The following FILIP1L variants were observed in gnomAD, a reference collection of about 807,000 sequenced individuals.
The protein encoded by FILIP1L is filamin A-interacting protein 1-like.
A neutral mutation model predicts 96.6 loss-of-function variants in FILIP1L; 55 were observed. The ratio of observed to expected loss-of-function variants is 0.57; its 90% CI spans 0.46 to 0.71. FILIP1L has a LOEUF of 0.71. Ranked by LOEUF, FILIP1L falls within the 30% of genes least tolerant of loss-of-function variation. The pLI, the probability that FILIP1L is intolerant of heterozygous loss-of-function variation, is 0.00. For synonymous variants in FILIP1L, 467 were observed against 473.9 expected (o/e 0.99, Z 0.19); for missense variants, 1,304 against 1,321.2 (o/e 0.99, Z 0.20).
chr3:99,954,125 C>T (rs1316127477), intron 1 of FILIP1L, among the ~76,000 whole-genome samples: 1 of 152,256 alleles, frequency 6.6e-6, no homozygotes, highest in African/African-American at 2.4e-5. Context: ...TCTCACTTAA[C>T]ACTTCAGTAA....
intron 1 of FILIP1L, among the ~76,000 whole-genome samples, chr3:99,933,000 C>T (rs1357733214): frequency 1.3e-5 from 2 of 152,194 alleles, no homozygotes; most frequent in Admixed American, 6.5e-5. Context: ...TGTATTAGCT[C>T]ATTCAAGTCT....
In FILIP1L at chr3:99,838,131, A is replaced by G. The variant is rs138393933; in HGVS notation, c.3382-7526T>C. The stretch of plus-strand genomic sequence containing the variant: ...TTGTGCCCTTTGCTTATAGAATCTT[A>G]CCTTAGGATAAAGTGGACACTGACT... On this transcript the variant is annotated intron_variant, in intron 5 of 5. Coordinates refer to ENST00000477258, the MANE Select transcript of FILIP1L (RefSeq NM_001387850.1). Among the ~76,000 whole-genome samples the G allele has an allele frequency of 6.7e-3, 1,027 of 152,242 alleles. 3 individuals are homozygous for G. The highest frequency in any genetic ancestry group is 8.6e-3 in the African/African-American group (357 of 41,536).
chr3:100,061,341 A>T (rs1461080317), intron 1 of FILIP1L, among the ~76,000 whole-genome samples: 2 of 152,208 alleles, frequency 1.3e-5, no homozygotes, highest in Non-Finnish European at 2.9e-5. Flanking sequence ...GACATTCGAA[A>T]ATCTTCACAG....
In FILIP1L at chr3:99,862,472, CAG is replaced by C. The variant is rs574174307; in HGVS notation, c.606-11404_606-11403del. ...AGTCATAATGATTGTCATTTTAGGT[CAG>C]AGTTTCTCAGCCTTAGCATTGTTGA... On this transcript the variant is annotated intron_variant, in intron 4 of 5. Coordinates refer to ENST00000477258, the MANE Select transcript of FILIP1L (RefSeq NM_001387850.1). Among the ~76,000 whole-genome samples the C allele has an allele frequency of 3.8e-3, 584 of 152,250 alleles. 2 individuals are homozygous for C. Among genetic ancestry groups the C allele is most frequent in the Non-Finnish European group, 5.1e-3 (345 of 68,022 alleles).
chr3:100,088,796 G>A (rs556776554), intron 1 of FILIP1L, among the ~76,000 whole-genome samples: 147 of 151,562 alleles, frequency 9.7e-4, no homozygotes, highest in Non-Finnish European at 1.9e-3. Context: ...CCACTTTTTT[G>A]TATCTTTTAA....
At chr3:100,030,748 G>A (rs992964072) in intron 1 of FILIP1L, among the ~76,000 whole-genome samples, 27 of 152,140 alleles carry the variant, frequency 1.8e-4, no homozygotes, top group Non-Finnish European at 3.5e-4. Context: ...GTTAGCAAAA[G>A]GGAGATTGGT....
intron 1 of FILIP1L, among the ~76,000 whole-genome samples, chr3:100,094,518 G>C (rs1417392363): frequency 2.0e-5 from 3 of 151,888 alleles, no homozygotes; most frequent in Non-Finnish European, 4.4e-5. Flanking sequence ...AGATCCCAAA[G>C]ATTTTCTCTT....
chr3:100,109,956 AC>A (rs1265327560), intron 1 of FILIP1L: 1 of 114,906 alleles, frequency 8.7e-6, no homozygotes, highest in Non-Finnish European at 1.6e-5. Context: ...TAACTTCTGT[AC>A]CCATACCCAC....
intron 4 of FILIP1L, among the ~76,000 whole-genome samples, chr3:99,862,104 A>G (rs1576523942): frequency 6.6e-6 from 1 of 152,248 alleles, no homozygotes; most frequent in East Asian, 1.9e-4. Context: ...AAAAATGATA[A>G]GTATGTAAGG....
At chr3:100,034,309 A>T (rs1362702052) in intron 1 of FILIP1L, among the ~76,000 whole-genome samples, 1 of 152,150 alleles carries the variant, frequency 6.6e-6, no homozygotes, top group East Asian at 1.9e-4. Context: ...GTCTGGAGAA[A>T]ATGTACACTC....
At chr3:99,930,747 G>A (rs760548065) in intron 2 of FILIP1L, 22 bp downstream of exon 2, 5 of 1,610,638 alleles carry the variant, frequency 3.1e-6, no homozygotes, top group Middle Eastern at 3.5e-4. Flanking sequence ...AGCATGATGG[G>A]GATAACTCCA....
intron 4 of FILIP1L, among the ~76,000 whole-genome samples, chr3:99,880,294 A>C (rs1288783379): frequency 6.6e-6 from 1 of 152,234 alleles, no homozygotes; most frequent in East Asian, 1.9e-4. Context: ...GTAGATACCC[A>C]CATGAAATAT....
At chr3:99,979,406 G>T (rs1185755232) in intron 1 of FILIP1L, among the ~76,000 whole-genome samples, 3 of 152,170 alleles carry the variant, frequency 2.0e-5, no homozygotes, top group Admixed American at 1.3e-4. Flanking sequence ...TGATTCTAAA[G>T]ATGTTATATC....
At chr3:100,032,159 G>A (rs910057743) in intron 1 of FILIP1L, among the ~76,000 whole-genome samples, 5 of 152,120 alleles carry the variant, frequency 3.3e-5, no homozygotes, top group African/African-American at 1.2e-4. Flanking sequence ...TTAAAACATG[G>A]AGTAAAATAT....
intron 4 of FILIP1L, among the ~76,000 whole-genome samples, chr3:99,915,840 CT>C (rs997966542): frequency 2.6e-5 from 4 of 152,188 alleles, no homozygotes; most frequent in Non-Finnish European, 5.9e-5. Context: ...TCTGTCTCCC[CT>C]ATACTAAACA....
chr3:100,052,361 A>G (rs2065388571), intron 1 of FILIP1L, among the ~76,000 whole-genome samples: 2 of 152,230 alleles, frequency 1.3e-5, no homozygotes, highest in African/African-American at 2.4e-5. Context: ...CTCTGCACCA[A>G]AATTCCAGGG....
intron 5 of FILIP1L, among the ~76,000 whole-genome samples, chr3:99,844,627 C>G (rs1415541839): frequency 4.6e-5 from 7 of 152,170 alleles, no homozygotes; most frequent in Non-Finnish European, 1.0e-4. Context: ...GACTACAAAT[C>G]TCTAAAATTT....
At chr3:99,854,734 T>C (rs1943873446) in intron 4 of FILIP1L, among the ~76,000 whole-genome samples, 1 of 152,164 alleles carries the variant, frequency 6.6e-6, no homozygotes, top group Non-Finnish European at 1.5e-5. Flanking sequence ...CATGTGTATG[T>C]TTGTGGCATG....
chr3:99,904,028 G>C (rs551128731), intron 4 of FILIP1L, among the ~76,000 whole-genome samples: 11 of 152,286 alleles, frequency 7.2e-5, no homozygotes, highest in African/African-American at 2.6e-4. Context: ...TATGCATCTT[G>C]TTTTTCTAAG....
Sources: gnomAD v4.1 joint callset for allele counts (sites outside exome capture counted in the v4.1 genomes callset) on GRCh38, gnomAD v4.1.1 for gene constraint, MANE v1.5 for transcripts, NCBI Gene and HGNC (gene_info 2026-07-23, HGNC 2026-07-21) for gene names.